The following NFIA variants were observed in gnomAD, a reference collection of about 807,000 sequenced individuals.
NFIA encodes nuclear factor 1 A-type.
In NFIA, 8 loss-of-function variants were observed where a neutral mutation model predicts 62.8. The ratio of observed to expected loss-of-function variants is 0.13; its 90% CI spans 0.07 to 0.23. The LOEUF is 0.23. Ranked by LOEUF, NFIA falls within the 10% of genes least tolerant of loss-of-function variation. The pLI is 1.00. For synonymous variants in NFIA, 235 were observed against 238.1 expected (o/e 0.99, Z 0.12); for missense variants, 410 against 642.1 (o/e 0.64, Z 3.91).
intron 2 of NFIA, among the ~76,000 whole-genome samples, chr1:61,096,817 C>G (rs1305959625): frequency 6.6e-6 from 1 of 151,908 alleles, no homozygotes; most frequent in Non-Finnish European, 1.5e-5. Context: ...TCTCAAAATG[C>G]TGGGATTACA....
intron 2 of NFIA, among the ~76,000 whole-genome samples, chr1:61,204,515 C>G (rs1441900560): frequency 6.6e-6 from 1 of 151,914 alleles, no homozygotes; most frequent in East Asian, 1.9e-4. Context: ...TAAGAAACAG[C>G]CTTTTCTATG....
chr1:61,161,680 CTG>C (rs763645953), intron 2 of NFIA, among the ~76,000 whole-genome samples: 26 of 152,034 alleles, frequency 1.7e-4, no homozygotes, highest in Non-Finnish European at 2.9e-4. Context: ...GGATGTAACT[CTG>C]TCACAAGTTG....
intron 2 of NFIA, among the ~76,000 whole-genome samples, chr1:61,173,211 T>G (rs1382156562): frequency 6.6e-6 from 1 of 152,180 alleles, no homozygotes; most frequent in Non-Finnish European, 1.5e-5. Flanking sequence ...TTGGTAGTTC[T>G]TGCTGAGGAA....
At chr1:61,261,692 G>T (rs1265805622) in intron 2 of NFIA, among the ~76,000 whole-genome samples, 3 of 152,210 alleles carry the variant, frequency 2.0e-5, no homozygotes, top group Non-Finnish European at 4.4e-5. Flanking sequence ...ACGTGGAAAT[G>T]TTACAGGCCT....
intron 3 of NFIA, among the ~76,000 whole-genome samples, chr1:61,327,189 CAGAG>C (rs895121758): frequency 1.3e-5 from 2 of 149,872 alleles, no homozygotes; most frequent in Admixed American, 6.7e-5. Context: ...GCAAATGAGA[CAGAG>C]AGACAGAAAT....
chr1:61,184,955 A>G (rs751552219), intron 2 of NFIA, among the ~76,000 whole-genome samples: 2 of 152,242 alleles, frequency 1.3e-5, no homozygotes, highest in Non-Finnish European at 2.9e-5. Flanking sequence ...TTTAACCCTG[A>G]AAGTTCCATC....
At chr1:61,445,919 T>C (rs1667788854) in intron 10 of NFIA, among the ~76,000 whole-genome samples, 2 of 152,132 alleles carry the variant, frequency 1.3e-5, no homozygotes, top group African/African-American at 2.4e-5. Flanking sequence ...GATTTAGATC[T>C]CTGACTCCAT....
intron 7 of NFIA, among the ~76,000 whole-genome samples, chr1:61,387,478 T>TTGTTTTG (rs1553180855): frequency 0.025 from 3,523 of 142,838 alleles, 67 homozygotes; most frequent in Non-Finnish European, 0.04. Context: ...CTTTTTTTTT[T>TTGTTTTG]TTTTTTTTTT....
At chr1:61,180,079 G>C (rs1650655197) in intron 2 of NFIA, among the ~76,000 whole-genome samples, 1 of 152,084 alleles carries the variant, frequency 6.6e-6, no homozygotes, top group Non-Finnish European at 1.5e-5. Context: ...AGCACCTCTT[G>C]ACTCCTCAGG....
chr1:61,412,051 A>G (rs1036581700), intron 9 of NFIA, among the ~76,000 whole-genome samples: 1 of 152,108 alleles, frequency 6.6e-6, no homozygotes, highest in Non-Finnish European at 1.5e-5. Flanking sequence ...AGATTTTAAT[A>G]GATACATCCT....
chr1:61,385,497 A>G (rs1373976413), intron 7 of NFIA, among the ~76,000 whole-genome samples: 2 of 152,166 alleles, frequency 1.3e-5, no homozygotes, highest in African/African-American at 2.4e-5. Flanking sequence ...CCAATCTTGT[A>G]TTCTTATACA....
chr1:61,231,575 G>C (rs903601542), intron 2 of NFIA, among the ~76,000 whole-genome samples: 3 of 152,134 alleles, frequency 2.0e-5, no homozygotes, highest in Non-Finnish European at 4.4e-5. Flanking sequence ...ACTCAACTTG[G>C]TGCTATTGTA....
chr1:61,345,130 T>C (rs571319903), intron 4 of NFIA, among the ~76,000 whole-genome samples: 1 of 152,322 alleles, frequency 6.6e-6, no homozygotes, highest in East Asian at 1.9e-4. Flanking sequence ...GGAAGTAATA[T>C]TTGAAGAGAC....
At chr1:61,081,869 T>G (rs1646099589), upstream of NFIA, 2 of 1,539,832 alleles carry the variant, frequency 1.3e-6, no homozygotes, top group African/African-American at 2.7e-5. Flanking sequence ...ATTACAATGC[T>G]TTGAGCCTTA....
At chr1:61,214,076 C>G (rs1292516510) in intron 2 of NFIA, among the ~76,000 whole-genome samples, 1 of 152,082 alleles carries the variant, frequency 6.6e-6, no homozygotes, top group Non-Finnish European at 1.5e-5. Context: ...TAGGGTCAGC[C>G]GTGGTTGAGC....
chr1:61,327,829 G>T (rs1257227355), intron 3 of NFIA, among the ~76,000 whole-genome samples: 1 of 152,092 alleles, frequency 6.6e-6, no homozygotes, highest in Non-Finnish European at 1.5e-5. Context: ...AGTTCTTTAA[G>T]AAATCTCCAT....
rs1252426630 is a variant in NFIA, at chr1:61,359,529, C to A, written c.946+255C>A. Among the ~76,000 whole-genome samples, 4 of 152,290 alleles carry A rather than the reference C, an allele frequency of 2.6e-5. 1 individual carries two copies. Among genetic ancestry groups the A allele is most frequent in the Admixed American group, 2.6e-4 (4 of 15,286 alleles). On this transcript the variant is annotated intron_variant, in intron 6 of 10. Transcript: ENST00000403491. ...CTGCTCTTACATATTTTCCCCTACA[C>A]CACAATCCAGCATTTGATTTGCTTT... is the stretch of plus-strand genomic sequence containing the variant.
chr1:61,342,135 T>C (rs1157781463), intron 4 of NFIA, among the ~76,000 whole-genome samples: 1 of 152,022 alleles, frequency 6.6e-6, no homozygotes, highest in Non-Finnish European at 1.5e-5. Flanking sequence ...ATACCCAGGA[T>C]TTTTCACTAG....
At chr1:61,095,321 G>T (rs1482782771) in intron 2 of NFIA, among the ~76,000 whole-genome samples, 1 of 152,174 alleles carries the variant, frequency 6.6e-6, no homozygotes, top group East Asian at 1.9e-4. Flanking sequence ...CGCTTTCATA[G>T]CAGTATTATG....
Sources: gnomAD v4.1 joint callset for allele counts (sites outside exome capture counted in the v4.1 genomes callset) on GRCh38, gnomAD v4.1.1 for gene constraint, MANE v1.5 for transcripts, NCBI Gene and HGNC (gene_info 2026-07-23, HGNC 2026-07-21) for gene names.